Variants in CLDN10 observed in about 807,000 individuals in gnomAD.
CLDN10 encodes the protein claudin-10.
In CLDN10, 15 loss-of-function variants were observed where a neutral mutation model predicts 22.9. The ratio of observed to expected loss-of-function variants is 0.65; its 90% CI spans 0.44 to 1.01. The LOEUF is 1.01. CLDN10 is among the 50% of genes least tolerant of loss of function. The pLI is 0.00. For missense variants in CLDN10, 247 were observed against 287.8 expected (o/e 0.86, Z 1.03); for synonymous variants, 114 against 111.4 (o/e 1.02, Z -0.15).
intron 1 of CLDN10, among the ~76,000 whole-genome samples, chr13:95,442,069 T>G (rs917217077): frequency 1.3e-5 from 2 of 152,206 alleles, no homozygotes; most frequent in African/African-American, 4.8e-5. Flanking sequence ...AAGGATCACC[T>G]GAGCCAGGGA....
intron 1 of CLDN10, among the ~76,000 whole-genome samples, chr13:95,461,108 T>C (rs1235575406): frequency 1.3e-5 from 2 of 151,958 alleles, no homozygotes; most frequent in Non-Finnish European, 2.9e-5. Context: ...CGAGACTCTG[T>C]CTCAAAAGAA....
chr13:95,540,672 G>A (rs1284524585), intron 1 of CLDN10, among the ~76,000 whole-genome samples: 2 of 152,192 alleles, frequency 1.3e-5, no homozygotes, highest in African/African-American at 4.8e-5. Context: ...GAAATGAGAA[G>A]TGATGTTAAT....
chr13:95,504,879 G>C (rs933475779), intron 1 of CLDN10, among the ~76,000 whole-genome samples: 1 of 152,056 alleles, frequency 6.6e-6, no homozygotes, highest in Non-Finnish European at 1.5e-5. Context: ...GATTATCTGC[G>C]TAAGTCACTG....
At position 95,433,868 on chromosome 13, in the gene CLDN10, G is replaced by GT; in HGVS notation, c.36dup (p.Val13CysfsTer15). 2 of 1,614,198 alleles carry GT rather than the reference G, an allele frequency of 1.2e-6. No homozygotes were observed. The highest frequency in any genetic ancestry group is 1.7e-6 in the Non-Finnish European group (2 of 1,180,040). ...GCGCAGATCTGGGCTCTGGTGTCTG[G>GT]TGTCGGAGGGTTTGGAGCTCTCGTT... is the stretch of plus-strand genomic sequence containing the variant. On this transcript the variant is annotated frameshift_variant, in exon 1 of 5. Transcript: ENST00000376873. LOFTEE classifies it high-confidence loss of function.
intron 1 of CLDN10, among the ~76,000 whole-genome samples, chr13:95,520,588 G>A (rs775260033): frequency 5.9e-5 from 9 of 152,100 alleles, no homozygotes; most frequent in Non-Finnish European, 1.2e-4. Context: ...GGTCAGGCTG[G>A]TCTCAAACTC....
Position 95,467,167 on chromosome 13 carries a change from G to A in CLDN10, c.214+33120G>A, listed in dbSNP as rs192913669. 1.6e-3 allele frequency among the ~76,000 whole-genome samples: 237 copies of A among 150,600 alleles called. 1 individual carries two copies. The highest frequency in any genetic ancestry group is 4.8e-3 in the African/African-American group (196 of 41,010). On this transcript the variant is annotated intron_variant, in intron 1 of 4. Coordinates refer to the CLDN10 transcript ENST00000376873. ...GCTGGGATTACAGGTGTGAGCCACC[G>A]CGCCCAGCCACCCCCTCTACTTTTA...
chr13:95,489,005 G>A (rs2042839026), intron 1 of CLDN10, among the ~76,000 whole-genome samples: 1 of 136,060 alleles, frequency 7.3e-6, no homozygotes, highest in Non-Finnish European at 1.5e-5. Flanking sequence ...AGGCTAGAGT[G>A]CAATGGCATG....
At chr13:95,486,134 C>T (rs116773405) in intron 1 of CLDN10, among the ~76,000 whole-genome samples, 2,426 of 152,254 alleles carry the variant, frequency 0.016, 61 homozygotes, top group African/African-American at 0.055. Flanking sequence ...AGAATCAGCT[C>T]GCAATGGATG....
chr13:95,577,060 C>T (rs1382957290), intron 3 of CLDN10, among the ~76,000 whole-genome samples, 171 bp from the exon 4 acceptor site: 1 of 152,172 alleles, frequency 6.6e-6, no homozygotes, highest in Non-Finnish European at 1.5e-5. Context: ...TATAAAAACA[C>T]TTTGGGAAGA....
chr13:95,476,935 G>T (rs1029608584), intron 1 of CLDN10, among the ~76,000 whole-genome samples: 7 of 152,128 alleles, frequency 4.6e-5, no homozygotes, highest in Non-Finnish European at 7.3e-5. Context: ...TGTGTACAGG[G>T]TCTTGTGTTC....
chr13:95,448,227 C>CACCATACAG (rs2042399678), intron 1 of CLDN10, among the ~76,000 whole-genome samples: 1 of 152,106 alleles, frequency 6.6e-6, no homozygotes, highest in Non-Finnish European at 1.5e-5. Flanking sequence ...AATACACACT[C>CACCATACAG]ACCATACAGT....
chr13:95,483,843 T>A (rs889138479), intron 1 of CLDN10, among the ~76,000 whole-genome samples: 1 of 152,220 alleles, frequency 6.6e-6, no homozygotes, highest in African/African-American at 2.4e-5. Flanking sequence ...AAAACTCGTA[T>A]GTTAAAATGC....
chr13:95,573,747 C>G (rs2043890432), intron 3 of CLDN10, among the ~76,000 whole-genome samples: 1 of 150,060 alleles, frequency 6.7e-6, no homozygotes, highest in Non-Finnish European at 1.5e-5. Context: ...GTGTGTACCT[C>G]TAAGTTCTAG....
chr13:95,447,097 C>G (rs1333965350), intron 1 of CLDN10, among the ~76,000 whole-genome samples: 2 of 152,006 alleles, frequency 1.3e-5, no homozygotes, highest in Non-Finnish European at 2.9e-5. Flanking sequence ...ATAGTCCATG[C>G]ATAAAAACGA....
At chr13:95,500,402 A>G (rs1286238565) in intron 1 of CLDN10, among the ~76,000 whole-genome samples, 1 of 152,182 alleles carries the variant, frequency 6.6e-6, no homozygotes, top group Non-Finnish European at 1.5e-5. Context: ...CAGGAAGGAG[A>G]GTGCGCCTGG....
chr13:95,434,971 T>C (rs993358369), intron 1 of CLDN10, among the ~76,000 whole-genome samples: 3 of 151,656 alleles, frequency 2.0e-5, no homozygotes, highest in African/African-American at 7.3e-5. Flanking sequence ...AGCGGTTAAG[T>C]GAAAGAAAAT....
intron 1 of CLDN10, among the ~76,000 whole-genome samples, chr13:95,480,790 A>G (rs2042738949): frequency 6.6e-6 from 1 of 152,228 alleles, no homozygotes; most frequent in African/African-American, 2.4e-5. Context: ...TAGACACGCT[A>G]TTCACATTCA....
At chr13:95,564,318 A>G (rs559513283) in intron 3 of CLDN10, among the ~76,000 whole-genome samples, 1 of 152,338 alleles carries the variant, frequency 6.6e-6, no homozygotes, top group Admixed American at 6.5e-5. Flanking sequence ...GGAGCCTCCC[A>G]GAGGATGGAG....
rs57500288 is a variant in CLDN10, at chr13:95,532,792, C to CAAAAAAAAA, written c.215-27326_215-27318dup. ...CTTCAGATACTGGAACTCAATTCAG[C>CAAAAAAAAA]AAAAAAAAAAAAAAAAAAAAAAGAA... On this transcript the variant is annotated intron_variant, in intron 1 of 4. Transcript: ENST00000376873. 3.9e-3 allele frequency among the ~76,000 whole-genome samples: 239 copies of CAAAAAAAAA among 61,904 alleles called. 2 individuals are homozygous for CAAAAAAAAA. The highest frequency in any genetic ancestry group is 0.02 in the Middle Eastern group (1 of 50). 40.6% of individuals were successfully genotyped at this position (61,904 alleles called of 152,430 possible).
Sources: gnomAD v4.1 joint callset for allele counts (sites outside exome capture counted in the v4.1 genomes callset) on GRCh38, gnomAD v4.1.1 for gene constraint, MANE v1.5 for transcripts, NCBI Gene and HGNC (gene_info 2026-07-23, HGNC 2026-07-21) for gene names.